Variants in NFIB observed in about 807,000 individuals in gnomAD.
NFIB encodes the protein nuclear factor I B.
A neutral mutation model predicts 61.5 loss-of-function variants in NFIB; 11 were observed. The observed-to-expected ratio is 0.18, with a 90% CI of 0.11 to 0.30. The LOEUF (loss-of-function observed/expected upper bound fraction) is 0.30. Among genes scored for constraint, NFIB ranks in the 10% least tolerant of loss-of-function variants. The pLI is 1.00. For missense variants in NFIB, 471 were observed against 608.9 expected, an observed-to-expected ratio of 0.77 and a Z score of 2.38; for synonymous variants, 260 against 216.5, an observed-to-expected ratio of 1.20 and a Z score of -1.76.
chr9:14,261,309 T>C (rs915808518), intron 2 of NFIB, among the ~76,000 whole-genome samples: 1 of 151,744 alleles, frequency 6.6e-6, no homozygotes, highest in Non-Finnish European at 1.5e-5. Flanking sequence ...AGAGCAGGAC[T>C]CCGTCTCAAA....
chr9:14,143,170 A>AACTTTTT (rs140038064), intron 6 of NFIB, among the ~76,000 whole-genome samples: 3,388 of 152,190 alleles, frequency 0.022, 156 homozygotes, highest in East Asian at 0.17. Context: ...AGGAAGTTGT[A>AACTTTTT]ACTTTTTGTT....
the NFIB span, among the ~76,000 whole-genome samples, chr9:14,453,085 T>G: frequency 6.6e-6 from 1 of 152,346 alleles, no homozygotes; most frequent in Non-Finnish European, 1.5e-5. Context: ...GAACTCCCAG[T>G]GAGGTGGGTT....
At position 14,120,982 on chromosome 9, in the gene NFIB, G is replaced by A. The variant is rs2038853335; in HGVS notation, c.1061-358C>T. ...TATTCTTTGATTATAAAATCTTTAG[G>A]CCGGGTGCAGTAGCTCACACCTGTA... is the stretch of plus-strand genomic sequence containing the variant. On this transcript the variant is annotated intron_variant, in intron 7 of 10. Coordinates refer to ENST00000380953, the MANE Select transcript of NFIB (RefSeq NM_001190737.2). The surrounding 1 kb of genome is among the most constrained non-coding windows in gnomAD (Gnocchi z 4.4). Among the ~76,000 whole-genome samples the A allele has an allele frequency of 6.6e-6, 1 of 152,122 alleles. No individual in the cohort carries two copies. The highest frequency in any genetic ancestry group is 1.5e-5 in the Non-Finnish European group (1 of 68,038).
chr9:14,157,868 CT>C (rs2043622782), intron 3 of NFIB, among the ~76,000 whole-genome samples: 1 of 151,906 alleles, frequency 6.6e-6, no homozygotes, highest in African/African-American at 2.4e-5. Context: ...CCTTCTTTAT[CT>C]TGGGAGGCCG....
chr9:14,190,529 T>G (rs1450533248), intron 2 of NFIB, among the ~76,000 whole-genome samples: 1 of 152,180 alleles, frequency 6.6e-6, no homozygotes, highest in African/African-American at 2.4e-5. Context: ...TCAAAGAACT[T>G]CTGTCCCCAT....
At chr9:14,505,143 G>A in the NFIB span, among the ~76,000 whole-genome samples, 1 of 151,982 alleles carries the variant, frequency 6.6e-6, no homozygotes, top group Admixed American at 6.6e-5. Context: ...TTATTGACTC[G>A]TGGATATAAA....
chr9:14,286,101 G>A (rs1037496803), intron 2 of NFIB, among the ~76,000 whole-genome samples: 2 of 152,162 alleles, frequency 1.3e-5, no homozygotes, highest in African/African-American at 4.8e-5. Context: ...TGCAAAACCT[G>A]CAACAAGTCT....
upstream of NFIB, among the ~76,000 whole-genome samples, chr9:14,400,537 C>A (rs757960150): frequency 9.9e-5 from 15 of 152,112 alleles, no homozygotes; most frequent in Non-Finnish European, 2.2e-4. Context: ...CAGGTCACAG[C>A]TGTAACTCAA....
At chr9:14,222,173 A>C (rs937036564) in intron 2 of NFIB, among the ~76,000 whole-genome samples, 3 of 152,142 alleles carry the variant, frequency 2.0e-5, no homozygotes, top group African/African-American at 7.2e-5. Flanking sequence ...AACACTTTCT[A>C]CATCCCACTA....
At chr9:14,365,444 T>A (rs1399939995) in intron 1 of NFIB, among the ~76,000 whole-genome samples, 2 of 152,226 alleles carry the variant, frequency 1.3e-5, no homozygotes, top group Non-Finnish European at 2.9e-5. Flanking sequence ...CTATTCTGTC[T>A]GTGTTCCTGT....
chr9:14,254,326 A>G (rs1473414258), intron 2 of NFIB, among the ~76,000 whole-genome samples: 1 of 152,018 alleles, frequency 6.6e-6, no homozygotes, highest in Non-Finnish European at 1.5e-5. Context: ...ACAAAACAAA[A>G]CAAAACAGCA....
intron 1 of NFIB, among the ~76,000 whole-genome samples, chr9:14,346,290 A>AACCCC (rs2061019183): frequency 3.4e-5 from 3 of 88,390 alleles, no homozygotes; most frequent in Non-Finnish European, 5.1e-5. Flanking sequence ...GGTAACCGAC[A>AACCCC]CCCCCCCCCC....
the NFIB span, among the ~76,000 whole-genome samples, chr9:14,476,444 G>C: frequency 6.6e-6 from 1 of 152,160 alleles, no homozygotes; most frequent in Admixed American, 6.5e-5. Flanking sequence ...CAGTGTTCAT[G>C]CTCAGGCCTT....
intron 2 of NFIB, among the ~76,000 whole-genome samples, chr9:14,267,874 T>C (rs2057325060): frequency 6.6e-6 from 1 of 152,208 alleles, no homozygotes; most frequent in African/African-American, 2.4e-5. Flanking sequence ...GGCTCACGCC[T>C]GTAATCCCAG....
At chr9:14,279,178 G>A (rs2058204872) in intron 2 of NFIB, among the ~76,000 whole-genome samples, 1 of 151,900 alleles carries the variant, frequency 6.6e-6, no homozygotes, top group South Asian at 2.1e-4. Context: ...TTATACAGAC[G>A]GCAAAACCGA....
At chr9:14,294,629 C>T (rs910633630) in intron 2 of NFIB, among the ~76,000 whole-genome samples, 1 of 152,144 alleles carries the variant, frequency 6.6e-6, no homozygotes, top group African/African-American at 2.4e-5. Context: ...AAATTATGTG[C>T]CAGAATCCAA....
intron 1 of NFIB, among the ~76,000 whole-genome samples, chr9:14,311,463 T>C (rs1054451937): frequency 2.0e-5 from 3 of 152,142 alleles, no homozygotes; most frequent in African/African-American, 7.2e-5. Flanking sequence ...TAAGCTGAAA[T>C]TCCTTCCCTG....
the NFIB span, among the ~76,000 whole-genome samples, chr9:14,486,636 C>T: frequency 6.6e-6 from 1 of 151,952 alleles, no homozygotes; most frequent in Admixed American, 6.6e-5. Flanking sequence ...GCAGGCCTTC[C>T]CCAGGTGATG....
At chr9:14,223,578 C>A (rs916253164) in intron 2 of NFIB, among the ~76,000 whole-genome samples, 3 of 152,092 alleles carry the variant, frequency 2.0e-5, no homozygotes, top group African/African-American at 7.2e-5. Context: ...ACCTCAAGTT[C>A]TCCTCTTGTG....
Sources: allele counts gnomAD v4.1 joint callset (sites outside exome capture counted in the v4.1 genomes callset), GRCh38; gene constraint gnomAD v4.1.1; non-coding constraint Gnocchi (gnomAD v3.1); transcripts MANE v1.5; gene names NCBI Gene and HGNC (gene_info 2026-07-23, HGNC 2026-07-21).